The following IKZF2 variants were observed in gnomAD, a reference collection of about 807,000 sequenced individuals.
IKZF2 encodes the protein zinc finger protein Helios.
In IKZF2, 15 loss-of-function variants were observed where a neutral mutation model predicts 49.2. That is an observed-to-expected ratio of 0.30 (90% CI 0.20 to 0.47). IKZF2 has a LOEUF of 0.47. Ranked by LOEUF, IKZF2 falls within the 20% of genes least tolerant of loss-of-function variation. The pLI is 1.00. For synonymous variants in IKZF2, 227 were observed against 221.4 expected (o/e 1.03, Z -0.23); for missense variants, 567 against 664.6 (o/e 0.85, Z 1.61).
intron 4 of IKZF2, among the ~76,000 whole-genome samples, chr2:213,134,916 C>G (rs1025862434): frequency 1.3e-5 from 2 of 152,112 alleles, no homozygotes; most frequent in Non-Finnish European, 2.9e-5. Flanking sequence ...TGTGGCTTGT[C>G]CTCCACTTCT....
chr2:213,083,940 A>C (rs560522375), intron 4 of IKZF2, among the ~76,000 whole-genome samples: 1 of 152,202 alleles, frequency 6.6e-6, no homozygotes, highest in East Asian at 1.9e-4. Flanking sequence ...AATAAATGTA[A>C]TGCTCTTGAA....
chr2:213,099,040 T>G (rs1333387360), intron 4 of IKZF2, among the ~76,000 whole-genome samples: 1 of 152,154 alleles, frequency 6.6e-6, no homozygotes, highest in Non-Finnish European at 1.5e-5. Context: ...AGCAATCAAA[T>G]GGACCAAATG....
At chr2:213,136,811 C>T (rs1471727437) in intron 4 of IKZF2, among the ~76,000 whole-genome samples, 1 of 152,070 alleles carries the variant, frequency 6.6e-6, no homozygotes, top group Non-Finnish European at 1.5e-5. Flanking sequence ...TTGACGTTTC[C>T]TTCTTGTTCT....
chr2:213,049,359 G>A (rs11899919), intron 6 of IKZF2, among the ~76,000 whole-genome samples: 5,699 of 151,884 alleles, frequency 0.038, 352 homozygotes, highest in African/African-American at 0.13. Context: ...ACAGTAACTC[G>A]AAACATAACT....
At position 213,000,995 on chromosome 2, in the gene IKZF2, T is replaced by C. The variant is rs1053416264; in HGVS notation, c.*6365A>G. Reference sequence around the variant, plus strand: ...ATTGTGGAGTGTTTTTCTCTTTGCTTGTTGTGTCCTTTAACATACTATGAC... The same window carrying C: ...ATTGTGGAGTGTTTTTCTCTTTGCTCGTTGTGTCCTTTAACATACTATGAC... On this transcript the variant is annotated 3_prime_UTR_variant, in exon 9 of 9. Coordinates refer to ENST00000434687, the MANE Select transcript of IKZF2 (RefSeq NM_001387220.1). The C allele has an allele frequency of 6.6e-6, 1 of 151,794 alleles. No individual in the cohort carries two copies. Among genetic ancestry groups the C allele is most frequent in the East Asian group, 1.9e-4 (1 of 5,174 alleles). The allele number at this position is 151,794 out of a possible 1,614,324, so 9.4% of individuals were successfully genotyped here. A position where few individuals can be genotyped will look rare whatever the true frequency, so the allele number is the denominator to read the frequency against.
intron 4 of IKZF2, among the ~76,000 whole-genome samples, chr2:213,112,812 A>G (rs1468385210): frequency 6.6e-6 from 1 of 152,178 alleles, no homozygotes; most frequent in Non-Finnish European, 1.5e-5. Context: ...TTACCTCTTA[A>G]TGGCTTTTAA....
chr2:213,051,609 T>C (rs1237721559), intron 5 of IKZF2, among the ~76,000 whole-genome samples: 1 of 152,034 alleles, frequency 6.6e-6, no homozygotes, highest in East Asian at 1.9e-4. Flanking sequence ...AATATACAAC[T>C]TGATTATTTG....
At chr2:213,134,345 CACTAA>C (rs1302086384) in intron 4 of IKZF2, among the ~76,000 whole-genome samples, 1 of 152,180 alleles carries the variant, frequency 6.6e-6, no homozygotes, top group Non-Finnish European at 1.5e-5. Flanking sequence ...TCTCCTTTCC[CACTAA>C]ACTAAAGTAA....
Position 213,007,867 on chromosome 2 carries a change from G to A in IKZF2, c.1074C>T (p.Val358=). 1 of 1,613,544 alleles carries A rather than the reference G, an allele frequency of 6.2e-7. No individual in the cohort carries two copies. Among genetic ancestry groups the A allele is most frequent in the Non-Finnish European group, 8.5e-7 (1 of 1,179,732 alleles). The change falls in exon 9 of 9, where the codon GTC becomes GTT. Residue 358 remains valine, a synonymous_variant. Transcript: ENST00000434687. ...GTCTTTCTATCCTATTTGGATGATA[G>A]ACCTGAGAATAAGCTGAGCTTATAA... ...APVISSAYSQ[V]YHPNRIERPI...
intron 1 of IKZF2, chr2:213,150,518 C>T: frequency 4.1e-6 from 1 of 246,846 alleles, no homozygotes; most frequent in Non-Finnish European, 8.2e-6. Context: ...CCCCTCGTCC[C>T]TTAGGGATGG....
intron 4 of IKZF2, among the ~76,000 whole-genome samples, chr2:213,104,306 G>A (rs1361831976): frequency 1.3e-5 from 2 of 151,074 alleles, no homozygotes; most frequent in Non-Finnish European, 2.9e-5. Flanking sequence ...CTCAAATTCT[G>A]TAGTAAACCA....
chr2:213,046,959 C>T (rs889069536), intron 6 of IKZF2, among the ~76,000 whole-genome samples: 3 of 152,072 alleles, frequency 2.0e-5, no homozygotes, highest in Non-Finnish European at 4.4e-5. Flanking sequence ...GATTTAACTA[C>T]CACCACTGCT....
intron 6 of IKZF2, among the ~76,000 whole-genome samples, chr2:213,047,795 A>G (rs539155382): frequency 6.6e-6 from 1 of 152,138 alleles, no homozygotes; most frequent in Admixed American, 6.6e-5. Flanking sequence ...TACTTACCTC[A>G]TAATTTTGGT....
At chr2:213,150,316 C>T (rs1324759554) in intron 1 of IKZF2, 69 bp from the exon 2 acceptor site, 2 of 556,700 alleles carry the variant, frequency 3.6e-6, no homozygotes, top group Admixed American at 2.6e-5. Flanking sequence ...CCCTCCCTTG[C>T]CCCCTCCAAG....
intron 4 of IKZF2, among the ~76,000 whole-genome samples, chr2:213,111,911 A>G (rs2059716266): frequency 6.6e-6 from 1 of 152,160 alleles, no homozygotes; most frequent in Non-Finnish European, 1.5e-5. Flanking sequence ...TTTGTTAATA[A>G]CAAATTATTA....
At chr2:213,136,963 T>C (rs1299463685) in intron 4 of IKZF2, among the ~76,000 whole-genome samples, 1 of 152,142 alleles carries the variant, frequency 6.6e-6, no homozygotes, top group Non-Finnish European at 1.5e-5. Flanking sequence ...AAAATATCTC[T>C]TCAAATTTGT....
In IKZF2 at chr2:213,100,831, A is replaced by G. The variant is rs1706573458; in HGVS notation, c.140-43732T>C. Among the ~76,000 whole-genome samples, 6 of 152,196 alleles carry G rather than the reference A, an allele frequency of 3.9e-5. No individual in the cohort carries two copies. The South Asian group carries it at 1.2e-3, about 32-fold the overall frequency. The stretch of plus-strand genomic sequence containing the variant: ...AGAGAAGTCCCAATATTATAAATCC[A>G]ACAAACTCAATAATATATTAAAATG... On this transcript the variant is annotated intron_variant, in intron 4 of 8. Coordinates refer to ENST00000434687, the MANE Select transcript of IKZF2 (RefSeq NM_001387220.1).
At chr2:213,095,098 C>A (rs184094430) in intron 4 of IKZF2, among the ~76,000 whole-genome samples, 9 of 152,166 alleles carry the variant, frequency 5.9e-5, no homozygotes, top group Non-Finnish European at 1.2e-4. Context: ...CAGATCTGAA[C>A]TCAAAGTTAC....
intron 4 of IKZF2, among the ~76,000 whole-genome samples, chr2:213,131,028 T>C (rs1179662057): frequency 1.3e-5 from 2 of 152,174 alleles, no homozygotes; most frequent in African/African-American, 4.8e-5. Context: ...TGATTGCTCA[T>C]GTAACAAATT....
Sources: gnomAD v4.1 joint callset for allele counts (sites outside exome capture counted in the v4.1 genomes callset) on GRCh38, gnomAD v4.1.1 for gene constraint, MANE v1.5 for transcripts, NCBI Gene and HGNC (gene_info 2026-07-23, HGNC 2026-07-21) for gene names.